ARHGAP18: variants seen among roughly 807,000 people sequenced by gnomAD.
ARHGAP18 encodes Rho GTPase activating protein 18.
Under a neutral mutation model 86.2 loss-of-function variants are expected in ARHGAP18, and 67 were observed. The ratio of observed to expected loss-of-function variants is 0.78; its 90% CI spans 0.64 to 0.95. The LOEUF (loss-of-function observed/expected upper bound fraction) is 0.95, where lower values mean the gene tolerates loss of function less well. ARHGAP18 is among the 40% of genes least tolerant of loss of function. ARHGAP18 has a pLI of 0.00. For synonymous variants in ARHGAP18, 283 were observed against 280.4 expected (o/e 1.01, Z -0.09); for missense variants, 691 against 780.4 (o/e 0.89, Z 1.37).
intron 1 of ARHGAP18, among the ~76,000 whole-genome samples, chr6:129,655,802 T>C (rs1486126167): frequency 6.6e-6 from 1 of 152,240 alleles, no homozygotes; most frequent in East Asian, 1.9e-4. Context: ...GTTTTATGAA[T>C]ACAGTTTTAC....
intron 5 of ARHGAP18, among the ~76,000 whole-genome samples, chr6:129,625,732 T>TTATTATATATTTATA (rs1338789921): frequency 3.8e-5 from 1 of 26,568 alleles, no homozygotes; most frequent in African/African-American, 1.5e-4. Flanking sequence ...TTATATATAT[T>TTATTATATATTTATA]TATTATATAT....
At chr6:129,698,577 CTT>C (rs1774659140) in intron 1 of ARHGAP18, among the ~76,000 whole-genome samples, 4 of 148,652 alleles carry the variant, frequency 2.7e-5, no homozygotes, top group Non-Finnish European at 5.9e-5. Flanking sequence ...TAGTCTTGCT[CTT>C]TCACCCAGGC....
At chr6:129,581,682 T>C (rs1226458472) in intron 13 of ARHGAP18, among the ~76,000 whole-genome samples, 1 of 152,202 alleles carries the variant, frequency 6.6e-6, no homozygotes, top group Non-Finnish European at 1.5e-5. Flanking sequence ...AAAGAATGAA[T>C]GAACGTGCGA....
At chr6:129,596,628 G>A (rs1788620353) in intron 12 of ARHGAP18, among the ~76,000 whole-genome samples, 1 of 152,116 alleles carries the variant, frequency 6.6e-6, no homozygotes, top group South Asian at 2.1e-4. Context: ...AGTAATTCCT[G>A]GCACACAGTA....
chr6:129,677,145 C>CA (rs765405543), intron 1 of ARHGAP18, among the ~76,000 whole-genome samples: 158 of 152,142 alleles, frequency 1.0e-3, no homozygotes, highest in Non-Finnish European at 1.9e-3. Flanking sequence ...GTAATCCCAG[C>CA]ACTTTGGGAG....
intron 1 of ARHGAP18, among the ~76,000 whole-genome samples, chr6:129,678,586 A>G (rs1446576802): frequency 2.0e-5 from 3 of 152,244 alleles, no homozygotes; most frequent in East Asian, 3.8e-4. Context: ...TGATAATGGT[A>G]CAGTGCAGTG....
chr6:129,611,485 G>C, intron 8 of ARHGAP18, 48 bp downstream of exon 8: 1 of 1,525,028 alleles, frequency 6.6e-7, no homozygotes, highest in Non-Finnish European at 9.1e-7. Context: ...AAATGCATAA[G>C]TGTAAATAAA....
intron 13 of ARHGAP18, among the ~76,000 whole-genome samples, chr6:129,581,933 A>G (rs1434324616): frequency 6.6e-6 from 1 of 152,182 alleles, no homozygotes; most frequent in Non-Finnish European, 1.5e-5. Context: ...GTTAATTACA[A>G]TAATAGATGC....
At position 129,577,320 on chromosome 6, in the gene ARHGAP18, G is replaced by C. The variant is rs1457492918; in HGVS notation, c.*1193C>G. On this transcript the variant is annotated 3_prime_UTR_variant, in exon 15 of 15. Transcript: ENST00000368149. ...CCTAAAGTACTACTAAAAGTATCAT[G>C]AACACCGTTTGTGCAGCATTCATTT... The C allele has an allele frequency of 6.6e-6, 1 of 152,040 alleles. No homozygotes were observed. Among genetic ancestry groups the C allele is most frequent in the Non-Finnish European group, 1.5e-5 (1 of 67,990 alleles). The allele number at this position is 152,040 out of a possible 1,614,324, so 9.4% of individuals were successfully genotyped here. A position where few individuals can be genotyped will look rare whatever the true frequency, so the allele number is the denominator to read the frequency against.
chr6:129,661,972 CCACACACA>C, intron 1 of ARHGAP18: 2 of 883,258 alleles, frequency 2.3e-6, no homozygotes, highest in South Asian at 5.2e-5. Flanking sequence ...CCTGGTGTTG[CCACACACA>C]CACACACACA....
chr6:129,585,380 A>C (rs1033605906), intron 12 of ARHGAP18, among the ~76,000 whole-genome samples: 6 of 152,228 alleles, frequency 3.9e-5, no homozygotes, highest in Non-Finnish European at 8.8e-5. Context: ...TTCAACACAA[A>C]TAATATACCT....
chr6:129,626,014 T>A (rs909737704), intron 5 of ARHGAP18, among the ~76,000 whole-genome samples: 1 of 114,622 alleles, frequency 8.7e-6, no homozygotes. Context: ...CAAATATATA[T>A]ATCAAATATA....
chr6:129,583,904 AG>A, intron 13 of ARHGAP18, 83 bp downstream of exon 13: 3 of 1,427,250 alleles, frequency 2.1e-6, no homozygotes, highest in Non-Finnish European at 1.9e-6. Flanking sequence ...AAAAAAAAAA[AG>A]GAAGAAGAAG....
chr6:129,651,305 G>A (rs972071423), intron 1 of ARHGAP18, among the ~76,000 whole-genome samples: 1 of 152,128 alleles, frequency 6.6e-6, no homozygotes, highest in Non-Finnish European at 1.5e-5. Context: ...AAAGGAAACA[G>A]AAACATACAA....
intron 7 of ARHGAP18, among the ~76,000 whole-genome samples, chr6:129,615,138 A>G (rs1789068209): frequency 6.6e-6 from 1 of 152,218 alleles, no homozygotes; most frequent in Non-Finnish European, 1.5e-5. Context: ...GATGCTGCTG[A>G]GATCCCTGCT....
chr6:129,601,631 C>CTTTTT (rs34417139), intron 10 of ARHGAP18, among the ~76,000 whole-genome samples: 2 of 143,188 alleles, frequency 1.4e-5, no homozygotes, highest in East Asian at 4.1e-4. Flanking sequence ...GAGAATCTTT[C>CTTTTT]TTTTTTTTTT....
At chr6:129,693,631 T>C (rs1184064319) in intron 1 of ARHGAP18, among the ~76,000 whole-genome samples, 1 of 152,064 alleles carries the variant, frequency 6.6e-6, no homozygotes, top group African/African-American at 2.4e-5. Flanking sequence ...CCACTGCCAC[T>C]CAGACACAGG....
Position 129,608,009 on chromosome 6 carries a change from A to AAAG in ARHGAP18, c.1163_1165dup (p.Thr388_Phe389insSer), listed in dbSNP as rs770330803. On this transcript the variant is annotated inframe_insertion, in exon 9 of 15. Coordinates refer to ENST00000368149, the MANE Select transcript of ARHGAP18 (RefSeq NM_033515.3). ...ATGCTGTTTGACACTTTCCCAATTAAAAGTCCCTTCATAAAACTTTGCTTC... is the reference window on the plus strand; with the variant it reads ...ATGCTGTTTGACACTTTCCCAATTAAAAGAAGTCCCTTCATAAAACTTTGCTTC... 1 of 1,608,402 alleles carries AAAG rather than the reference A, an allele frequency of 6.2e-7. No individual in the cohort carries two copies. Among genetic ancestry groups the AAAG allele is most frequent in the African/African-American group, 1.3e-5 (1 of 74,508 alleles).
intron 1 of ARHGAP18, among the ~76,000 whole-genome samples, chr6:129,669,791 A>C (rs1163761363): frequency 6.6e-6 from 1 of 152,054 alleles, no homozygotes; most frequent in East Asian, 1.9e-4. Context: ...TCAAAAAAAA[A>C]AATAAATAAA....
Sources: allele counts gnomAD v4.1 joint callset (sites outside exome capture counted in the v4.1 genomes callset), GRCh38; gene constraint gnomAD v4.1.1; transcripts MANE v1.5; gene names NCBI Gene and HGNC (gene_info 2026-07-23, HGNC 2026-07-21).